ITPR1: variants seen among roughly 807,000 people sequenced by gnomAD.
ITPR1 encodes inositol 1,4,5-trisphosphate-gated calcium channel ITPR1.
In ITPR1, 96 loss-of-function variants were observed where a neutral mutation model predicts 318.4. The ratio of observed to expected loss-of-function variants is 0.30; its 90% CI spans 0.26 to 0.36. The LOEUF is 0.36. Among genes scored for constraint, ITPR1 ranks in the 10% least tolerant of loss-of-function variants. ITPR1 has a pLI of 1.00. For synonymous variants in ITPR1, 1,312 were observed against 1,289.9 expected (o/e 1.02, Z -0.37); for missense variants, 2,440 against 3,460.2 (o/e 0.71, Z 7.40).
At chr3:4,505,456 G>A (rs938385311) in intron 2 of ITPR1, among the ~76,000 whole-genome samples, 1 of 152,244 alleles carries the variant, frequency 6.6e-6, no homozygotes, top group African/African-American at 2.4e-5. Flanking sequence ...GCCTCCCAAA[G>A]TGTTGGGATG....
At chr3:4,726,921 T>G (rs1365820215) in intron 41 of ITPR1, among the ~76,000 whole-genome samples, 1 of 152,042 alleles carries the variant, frequency 6.6e-6, no homozygotes, top group Non-Finnish European at 1.5e-5. Flanking sequence ...TGCACTAGGG[T>G]TGGGGGTATG....
At chr3:4,749,994 G>C (rs1264217368) in intron 44 of ITPR1, 1 of 152,672 alleles carries the variant, frequency 6.5e-6, no homozygotes, top group Non-Finnish European at 1.5e-5. Flanking sequence ...CCATCCACTG[G>C]ACTCTTACCA....
chr3:4,526,968 C>G (rs945191044), intron 4 of ITPR1, among the ~76,000 whole-genome samples: 2 of 152,172 alleles, frequency 1.3e-5, no homozygotes, highest in African/African-American at 2.4e-5. Flanking sequence ...TTTCTTCCTA[C>G]CTAGTATAAA....
At chr3:4,661,997 CA>C in intron 14 of ITPR1, 84 bp from the exon 15 acceptor site, 1 of 1,177,828 alleles carries the variant, frequency 8.5e-7, no homozygotes, top group East Asian at 2.4e-5. Flanking sequence ...TGGGATCAGC[CA>C]GTGTCTCGTA....
intron 4 of ITPR1, among the ~76,000 whole-genome samples, chr3:4,551,189 G>T (rs2085531106): frequency 6.6e-6 from 1 of 152,172 alleles, no homozygotes; most frequent in Non-Finnish European, 1.5e-5. Flanking sequence ...TGCAACATGT[G>T]TTTTGTTGCT....
chr3:4,798,232 T>C (rs1429956956), intron 53 of ITPR1, among the ~76,000 whole-genome samples: 1 of 152,220 alleles, frequency 6.6e-6, no homozygotes, highest in East Asian at 1.9e-4. Flanking sequence ...GTCCAGAATA[T>C]GTAAAGAACT....
chr3:4,768,857 A>C, intron 46 of ITPR1, 93 bp downstream of exon 46: 1 of 1,234,648 alleles, frequency 8.1e-7, no homozygotes, highest in East Asian at 2.4e-5. Context: ...CACTTGGGCC[A>C]GATTGCTTGA....
At chr3:4,561,079 G>C (rs1055312538) in intron 4 of ITPR1, among the ~76,000 whole-genome samples, 2 of 152,160 alleles carry the variant, frequency 1.3e-5, no homozygotes, top group African/African-American at 4.8e-5. Flanking sequence ...AATGTCTCCT[G>C]ATTTATTTTT....
At chr3:4,717,656 A>G (rs1223835445) in intron 40 of ITPR1, among the ~76,000 whole-genome samples, 1 of 152,144 alleles carries the variant, frequency 6.6e-6, no homozygotes, top group Non-Finnish European at 1.5e-5. Context: ...TTAATTGTTC[A>G]CTGTCTAAAA....
intron 44 of ITPR1, among the ~76,000 whole-genome samples, chr3:4,765,105 A>G (rs2045730823): frequency 6.6e-6 from 1 of 152,158 alleles, no homozygotes; most frequent in Admixed American, 6.5e-5. Flanking sequence ...GTAAAAGGCA[A>G]TGAAGGACAC....
intron 4 of ITPR1, among the ~76,000 whole-genome samples, chr3:4,552,225 C>T (rs767916425): frequency 1.8e-4 from 28 of 152,188 alleles, no homozygotes; most frequent in Non-Finnish European, 2.9e-4. Context: ...CAGCAGACAA[C>T]AGCTGGGTAT....
At chr3:4,664,360 C>T (rs2093901337) in intron 16 of ITPR1, among the ~76,000 whole-genome samples, 1 of 152,190 alleles carries the variant, frequency 6.6e-6, no homozygotes, top group South Asian at 2.1e-4. Context: ...ATACCATGTC[C>T]TTCTGTAACC....
intron 10 of ITPR1, 104 bp downstream of exon 10, chr3:4,645,832 A>T: frequency 9.8e-7 from 1 of 1,015,306 alleles, no homozygotes; most frequent in Non-Finnish European, 1.5e-6. Context: ...ACATATACCT[A>T]TATGTGTCTA....
At position 4,531,360 on chromosome 3, in the gene ITPR1, C is replaced by A. The variant is rs1049314017; in HGVS notation, c.163+10266C>A. 5.3e-5 allele frequency among the ~76,000 whole-genome samples: 8 copies of A among 152,272 alleles called. 2 individuals are homozygous for A. Among genetic ancestry groups the A allele is most frequent in the Admixed American group, 6.5e-5 (1 of 15,302 alleles). On this transcript the variant is annotated intron_variant, in intron 4 of 61. Transcript: ENST00000649015. ...TTAGCTCCGGCAACAACATTTCTCA[C>A]CAAAGTTGCTGCACAGACTCCTCAC...
intron 4 of ITPR1, among the ~76,000 whole-genome samples, chr3:4,537,409 G>A (rs1039120079): frequency 2.0e-5 from 3 of 152,186 alleles, no homozygotes; most frequent in Non-Finnish European, 4.4e-5. Context: ...TAGTCTCCTT[G>A]TATTATTTTG....
intron 42 of ITPR1, among the ~76,000 whole-genome samples, 161 bp downstream of exon 42, chr3:4,727,334 A>T (rs1269249067): frequency 6.6e-6 from 1 of 152,192 alleles, no homozygotes; most frequent in Non-Finnish European, 1.5e-5. Flanking sequence ...ATGAAACTAA[A>T]TAGTGGTTCT....
Position 4,663,099 on chromosome 3 carries a change from T to C in ITPR1, c.1447T>C (p.Phe483Leu), listed in dbSNP as rs1381086367. 6.2e-7 allele frequency: 1 copy of C among 1,613,714 alleles called. No homozygotes were observed. The highest frequency in any genetic ancestry group is 8.5e-7 in the Non-Finnish European group (1 of 1,179,776). Reference protein sequence around the residue: ...VTKLLEDLVYFVTGGTNSGQD... With the variant: ...VTKLLEDLVYLVTGGTNSGQD... ...CAAGCTGCTAGAAGATTTGGTTTAC[T>C]TCGTCACTGGTGGAACTAATTCTGG... Residue 483 changes from phenylalanine (F) to leucine (L), a missense_variant, in exon 16 of 62, where the codon TTC becomes CTC. By Grantham distance (22) the Phe-to-Leu change is conservative. Coordinates refer to ENST00000649015, the MANE Select transcript of ITPR1 (RefSeq NM_001378452.1).
chr3:4,791,911 A>G (rs762350203), intron 52 of ITPR1, among the ~76,000 whole-genome samples: 1 of 152,260 alleles, frequency 6.6e-6, no homozygotes, highest in Non-Finnish European at 1.5e-5. Context: ...ACAAATTACC[A>G]CAAAGCTTGA....
In ITPR1 at chr3:4,627,770, C is replaced by G. The variant is rs746562377; in HGVS notation, c.171C>G (p.Leu57=). 1 of 1,611,696 alleles carries G rather than the reference C, an allele frequency of 6.2e-7. No individual in the cohort carries two copies. The highest frequency in any genetic ancestry group is 1.3e-5 in the African/African-American group (1 of 74,852). The change falls in exon 5 of 62, where the codon CTC becomes CTG. Residue 57 remains leucine (L), a synonymous_variant. Transcript: ENST00000649015. ...TGTTTGCTTCACTTCTAGACTGCCT[C>G]TTTAAGCTATGTCCCATGAACCGCT... is the stretch of plus-strand genomic sequence containing the variant. ...NNPPKKFRDC[L]FKLCPMNRYS...
Sources: allele counts gnomAD v4.1 joint callset (sites outside exome capture counted in the v4.1 genomes callset), GRCh38; gene constraint gnomAD v4.1.1; transcripts MANE v1.5; gene names NCBI Gene and HGNC (gene_info 2026-07-23, HGNC 2026-07-21).